COL27A1: variants seen among roughly 807,000 people sequenced by gnomAD.
COL27A1 encodes the protein collagen alpha-1(XXVII) chain.
Under a neutral mutation model 251.3 loss-of-function variants are expected in COL27A1, and 106 were observed. The ratio of observed to expected loss-of-function variants is 0.42; its 90% CI spans 0.36 to 0.50. COL27A1 has a LOEUF of 0.50. COL27A1 is among the 20% of genes least tolerant of loss of function. The pLI, the probability that COL27A1 is intolerant of heterozygous loss-of-function variation, is 0.00. For missense variants in COL27A1, 2,325 were observed against 2,522.8 expected (o/e 0.92, Z 1.68); for synonymous variants, 1,000 against 986.3 (o/e 1.01, Z -0.26).
intron 4 of COL27A1, among the ~76,000 whole-genome samples, chr9:114,178,595 TG>T (rs1227079452): frequency 6.6e-6 from 1 of 152,176 alleles, no homozygotes; most frequent in African/African-American, 2.4e-5. Context: ...CTTTGCAGCC[TG>T]GGGTGGGGAA....
chr9:114,163,983 T>C (rs1181982897), intron 2 of COL27A1, among the ~76,000 whole-genome samples: 2 of 152,066 alleles, frequency 1.3e-5, no homozygotes, highest in African/African-American at 4.8e-5. Flanking sequence ...CTGTCCCCCA[T>C]CTCTTCACCC....
intron 10 of COL27A1, among the ~76,000 whole-genome samples, chr9:114,206,782 G>A (rs1829995049): frequency 1.3e-5 from 2 of 152,192 alleles, no homozygotes; most frequent in South Asian, 2.1e-4. Flanking sequence ...CCCCCATGGA[G>A]CAGACCCCGA....
At chr9:114,288,630 G>A (rs371104088) in intron 42 of COL27A1, 72 bp from the exon 43 acceptor site, 71 of 1,567,444 alleles carry the variant, frequency 4.5e-5, no homozygotes, top group South Asian at 3.1e-4. Flanking sequence ...CAGAGGTCGC[G>A]GCCAACAGGG....
intron 23 of COL27A1, among the ~76,000 whole-genome samples, chr9:114,244,189 C>G (rs1353743578): frequency 6.6e-6 from 1 of 152,028 alleles, no homozygotes; most frequent in Non-Finnish European, 1.5e-5. Flanking sequence ...CTAAGGCAGG[C>G]GGATCAAGAA....
chr9:114,234,402 A>G (rs1027439987), intron 16 of COL27A1, among the ~76,000 whole-genome samples: 2 of 151,718 alleles, frequency 1.3e-5, no homozygotes, highest in African/African-American at 4.8e-5. Context: ...AAGGTTTTCC[A>G]TTTTTCCTGG....
intron 7 of COL27A1, among the ~76,000 whole-genome samples, chr9:114,199,984 C>T (rs2135271672): frequency 6.6e-6 from 1 of 152,310 alleles, no homozygotes; most frequent in African/African-American, 2.4e-5. Context: ...GACATCCCCC[C>T]AGCTCCCTCC....
intron 13 of COL27A1, among the ~76,000 whole-genome samples, chr9:114,221,514 G>C (rs1434381936): frequency 6.6e-6 from 1 of 152,196 alleles, no homozygotes; most frequent in Non-Finnish European, 1.5e-5. Context: ...ACAATGTCTA[G>C]AGCCCTGGAG....
At chr9:114,186,196 C>T (rs1828326249) in intron 5 of COL27A1, among the ~76,000 whole-genome samples, 1 of 152,262 alleles carries the variant, frequency 6.6e-6, no homozygotes, top group Non-Finnish European at 1.5e-5. Context: ...ACCCACATAT[C>T]CCATGTTCCA....
chr9:114,236,736 C>T lies in COL27A1; in HGVS notation c.2620-245C>T, dbSNP rs549928064. On this transcript the variant is annotated intron_variant, in intron 17 of 60. Transcript: ENST00000356083. ...CAGAGCCTGCGTGCAGCCCCAGGGT[C>T]CCTGATTCTTCCTGGTGAGGACAGG... Among the ~76,000 whole-genome samples, 13 of 152,330 alleles carry T rather than the reference C, an allele frequency of 8.5e-5. 1 individual carries two copies. The East Asian group carries it at 2.5e-3, about 29-fold the overall frequency.
rs535142997 is a variant in COL27A1 at position 114,288,383 on chromosome 9, G to A, written c.3988-72G>A. ...GGCTAGAATTCATCTCTGACGAAGCGCTTTCCGTCTGGAATTCCCCACATT... is the reference window on the plus strand; with the variant it reads ...GGCTAGAATTCATCTCTGACGAAGCACTTTCCGTCTGGAATTCCCCACATT... On this transcript the variant is annotated intron_variant, in intron 41 of 60. Transcript: ENST00000356083. The A allele has an allele frequency of 7.4e-6, 11 of 1,494,994 alleles. No homozygotes were observed. The East Asian group carries it at 1.4e-4, about 19-fold the overall frequency. 92.6% of individuals were successfully genotyped at this position (1,494,994 alleles called of 1,614,324 possible).
chr9:114,217,717 C>T (rs548068954), intron 12 of COL27A1: 26 of 465,306 alleles, frequency 5.6e-5, no homozygotes, highest in Admixed American at 5.5e-4. Flanking sequence ...AGCCAGGTGC[C>T]CAGCCAGACA....
At chr9:114,215,028 G>A (rs1280284097) in intron 12 of COL27A1, among the ~76,000 whole-genome samples, 1 of 152,256 alleles carries the variant, frequency 6.6e-6, no homozygotes, top group African/African-American at 2.4e-5. Flanking sequence ...GGCCCTGCAA[G>A]GCAGGCCACC....
At chr9:114,200,668 A>G (rs1829499626) in intron 7 of COL27A1, among the ~76,000 whole-genome samples, 1 of 152,230 alleles carries the variant, frequency 6.6e-6, no homozygotes, top group African/African-American at 2.4e-5. Context: ...TTCTGAGCCC[A>G]CAGGACACTT....
rs1829094770 is a variant in COL27A1, at chr9:114,195,993, C to T, written c.2105C>T (p.Pro702Leu). 1.2e-6 allele frequency: 2 copies of T among 1,614,130 alleles called. No individual in the cohort carries two copies. Among genetic ancestry groups the T allele is most frequent in the South Asian group, 1.1e-5 (1 of 91,084 alleles). ...DMGLPGLSGN[P>L]GPPGRKGHKG... is the part of the protein sequence containing the mutation. ...GGCTTGCCTGGGCTCTCCGGGAATC[C>T]AGGACCTCCGGGACGAAAGGTACTG... The change falls in exon 7 of 61, where the codon CCA (proline) becomes CTA (leucine). Residue 702 changes from proline (P) to leucine (L), a missense_variant. Transcript: ENST00000356083.
chr9:114,160,155 A>AT (rs3034121), intron 1 of COL27A1, among the ~76,000 whole-genome samples: 3,628 of 142,342 alleles, frequency 0.025, 165 homozygotes, highest in Admixed American at 0.12. Flanking sequence ...TTTAAAGTCT[A>AT]TTTTTTTTTT....
intron 3 of COL27A1, 70 bp downstream of exon 3, chr9:114,169,533 G>A (rs1564422768): frequency 5.2e-5 from 67 of 1,291,166 alleles, no homozygotes; most frequent in Non-Finnish European, 7.0e-5. Context: ...TCAAGTGGTT[G>A]CCCCTAGTAA....
At chr9:114,308,281 C>T (rs1045876272) in intron 59 of COL27A1, among the ~76,000 whole-genome samples, 1 of 152,228 alleles carries the variant, frequency 6.6e-6, no homozygotes, top group Non-Finnish European at 1.5e-5. Context: ...ACAGCTCCCT[C>T]GCCCAGGGAT....
chr9:114,158,802 G>C (rs1848299634), intron 1 of COL27A1, among the ~76,000 whole-genome samples: 1 of 152,204 alleles, frequency 6.6e-6, no homozygotes, highest in Admixed American at 6.5e-5. Flanking sequence ...GCTGGTGAAG[G>C]CTGGGGCTCG....
At chr9:114,250,799 G>C in intron 25 of COL27A1, 131 bp downstream of exon 25, 1 of 751,794 alleles carries the variant, frequency 1.3e-6, no homozygotes, top group Non-Finnish European at 2.3e-6. Flanking sequence ...CTGGCATTCT[G>C]AGTCTGCCAA....
Sources: gnomAD v4.1 joint callset for allele counts (sites outside exome capture counted in the v4.1 genomes callset) on GRCh38, gnomAD v4.1.1 for gene constraint, MANE v1.5 for transcripts, NCBI Gene and HGNC (gene_info 2026-07-23, HGNC 2026-07-21) for gene names.